Variants in ASB18 observed in about 807,000 individuals in gnomAD.
ASB18 encodes the protein ankyrin repeat and SOCS box protein 18.
Under a neutral mutation model 33.4 loss-of-function variants are expected in ASB18, and 33 were observed. The observed-to-expected ratio is 0.99, with a 90% CI of 0.75 to 1.32. The LOEUF is 1.32. ASB18 is among the 40% of genes most tolerant of loss of function. ASB18 has a pLI of 0.00. For missense variants in ASB18, 694 were observed against 655.5 expected (o/e 1.06, Z -0.64); for synonymous variants, 295 against 307.6 (o/e 0.96, Z 0.43).
Position 236,219,014 on chromosome 2 carries a change from C to T in ASB18, c.597-4148G>A, listed in dbSNP as rs996526770. 2.0e-5 allele frequency among the ~76,000 whole-genome samples: 3 copies of T among 151,668 alleles called. No individual in the cohort carries two copies. Among genetic ancestry groups the T allele is most frequent in the African/African-American group, 4.8e-5 (2 of 41,262 alleles). ...TCTCCCAAGTAGCTGGGACTATAGC[C>T]GAGTGCCCCCATGCTTGGCTAATTT... On this transcript the variant is annotated intron_variant, in intron 3 of 5. Coordinates refer to ENST00000409749, the MANE Select transcript of ASB18 (RefSeq NM_212556.4). This position sits in a 1 kb window ranked among gnomAD's most constrained non-coding sequence, Gnocchi z 6.4.
At position 236,209,317 on chromosome 2, in the gene ASB18, G is replaced by C. The variant is rs1402332633; in HGVS notation, c.1101+5045C>G. 2.7e-5 allele frequency among the ~76,000 whole-genome samples: 4 copies of C among 150,506 alleles called. No homozygotes were observed. The highest frequency in any genetic ancestry group is 5.9e-5 in the Non-Finnish European group (4 of 67,882). On this transcript the variant is annotated intron_variant, in intron 4 of 5. Coordinates refer to ENST00000409749, the MANE Select transcript of ASB18 (RefSeq NM_212556.4). This position sits in a 1 kb window ranked among gnomAD's most constrained non-coding sequence, Gnocchi z 4.4. Reference sequence around the variant, plus strand: ...AGACAAGGTCTTGCTCTGTCGTCCAGGCTGGAGTGTAGTATTGCAATCATG... The same window carrying C: ...AGACAAGGTCTTGCTCTGTCGTCCACGCTGGAGTGTAGTATTGCAATCATG...
chr2:236,247,097 G>C (rs1197071970), intron 1 of ASB18, among the ~76,000 whole-genome samples: 3 of 150,314 alleles, frequency 2.0e-5, no homozygotes, highest in Non-Finnish European at 2.9e-5. Flanking sequence ...ATTTCAGTAG[G>C]CAAGGTGTAG....
chr2:236,214,568 T>C lies in ASB18; in HGVS notation c.895A>G (p.Lys299Glu), dbSNP rs1309471998. ...CTGTGGCTCGCGTGGCCGCAGGCTT[T>C]GTGCAGCGGGCTGCGCTCGTCCTCG... ...RDEDERSPLH[K>E]ACGHASHSLA... The change falls in exon 4 of 6, where the codon AAA (lysine) becomes GAA (glutamate). Residue 299 changes from lysine to glutamate, a missense_variant. Physicochemically the swap from Lys to Glu is moderately conservative, Grantham distance 56. Coordinates refer to ENST00000409749, the MANE Select transcript of ASB18 (RefSeq NM_212556.4). The surrounding 1 kb of genome is among the most constrained non-coding windows in gnomAD (Gnocchi z 6.5). The C allele has an allele frequency of 1.8e-5, 24 of 1,359,638 alleles. No individual in the cohort carries two copies. Among genetic ancestry groups the C allele is most frequent in the Non-Finnish European group, 2.3e-5 (24 of 1,066,442 alleles). 84.2% of individuals were successfully genotyped at this position (1,359,638 alleles called of 1,614,324 possible).
At chr2:236,246,508 AT>A (rs543292531) in intron 1 of ASB18, among the ~76,000 whole-genome samples, 5 of 150,452 alleles carry the variant, frequency 3.3e-5, no homozygotes, top group South Asian at 2.1e-4. Context: ...AACAGCAGAG[AT>A]TTTTTTTTTC....
chr2:236,223,175 T>C lies in ASB18; in HGVS notation c.597-8309A>G, dbSNP rs1391397849. Among the ~76,000 whole-genome samples, 13 of 152,232 alleles carry C rather than the reference T, an allele frequency of 8.5e-5. No homozygotes were observed. The highest frequency in any genetic ancestry group is 8.5e-4 in the Admixed American group (13 of 15,284). ...GCTTCCTGTACAGCCTGCAGAACTG[T>C]GAGCCAATTAAGCTTTTTTTCTTAT... On this transcript the variant is annotated intron_variant, in intron 3 of 5. Transcript: ENST00000409749. This position sits in a 1 kb window ranked among gnomAD's most constrained non-coding sequence, Gnocchi z 4.6.
Position 236,200,340 on chromosome 2 carries a change from C to T in ASB18, c.1102-3955G>A, listed in dbSNP as rs1033073099. On this transcript the variant is annotated intron_variant, in intron 4 of 5. Coordinates refer to ENST00000409749, the MANE Select transcript of ASB18 (RefSeq NM_212556.4). This position sits in a 1 kb window ranked among gnomAD's most constrained non-coding sequence, Gnocchi z 4.2. ...CTCCAGCCTGGGCGACAGAGCAAGA[C>T]TCCGTCTAAAAAAAAAAGAGATGGC... Among the ~76,000 whole-genome samples, 2 of 151,996 alleles carry T rather than the reference C, an allele frequency of 1.3e-5. No homozygotes were observed. Among genetic ancestry groups the T allele is most frequent in the Non-Finnish European group, 1.5e-5 (1 of 67,970 alleles).
Position 236,241,228 on chromosome 2 carries a change from G to A in ASB18, c.328+52C>T. ...CACGGGAGCCTTACACTCCCAGAGA[G>A]TATTAGTAGCCCCTTAAAAATAAAT... On this transcript the variant is annotated intron_variant, in intron 2 of 5. Coordinates refer to ENST00000409749, the MANE Select transcript of ASB18 (RefSeq NM_212556.4). This position sits in a 1 kb window ranked among gnomAD's most constrained non-coding sequence, Gnocchi z 4.2. The A allele has an allele frequency of 6.3e-7, 1 of 1,590,496 alleles. No individual in the cohort carries two copies. Among genetic ancestry groups the A allele is most frequent in the Non-Finnish European group, 8.6e-7 (1 of 1,161,066 alleles).
At chr2:236,199,506 T>C (rs2060389169) in intron 4 of ASB18, among the ~76,000 whole-genome samples, 1 of 149,636 alleles carries the variant, frequency 6.7e-6, no homozygotes, top group Non-Finnish European at 1.5e-5. Flanking sequence ...ATATTTAATA[T>C]ACATATTATA....
In ASB18 at chr2:236,194,702, T is replaced by G. The variant is rs2060362683; in HGVS notation, c.*170A>C. Among the ~76,000 whole-genome samples the G allele has an allele frequency of 6.6e-6, 1 of 152,178 alleles. No individual in the cohort carries two copies. Among genetic ancestry groups the G allele is most frequent in the African/African-American group, 2.4e-5 (1 of 41,452 alleles). On this transcript the variant is annotated 3_prime_UTR_variant, in exon 6 of 6. Transcript: ENST00000409749. The surrounding 1 kb of genome is among the most constrained non-coding windows in gnomAD (Gnocchi z 4.5). ...AAAGGGCTTTTGTTGCCAATTCCATTTCGAGGTGAACCTGAAGCTTGGCAA... is the reference window on the plus strand; with the variant it reads ...AAAGGGCTTTTGTTGCCAATTCCATGTCGAGGTGAACCTGAAGCTTGGCAA...
chr2:236,238,991 G>A lies in ASB18; in HGVS notation c.329-1035C>T, dbSNP rs1434059360. ...GCCCTGAGTCCCCAAGGCCCAGCCT[G>A]GAGCTTGTTGTGCACTCAGTGGGGG... is the stretch of plus-strand genomic sequence containing the variant. On this transcript the variant is annotated intron_variant, in intron 2 of 5. Coordinates refer to ENST00000409749, the MANE Select transcript of ASB18 (RefSeq NM_212556.4). The surrounding 1 kb of genome is among the most constrained non-coding windows in gnomAD (Gnocchi z 5.2). Among the ~76,000 whole-genome samples, 5 of 152,134 alleles carry A rather than the reference G, an allele frequency of 3.3e-5. No homozygotes were observed. Among genetic ancestry groups the A allele is most frequent in the Non-Finnish European group, 1.5e-5 (1 of 68,018 alleles).
At chr2:236,246,346 C>CA (rs60064230) in intron 1 of ASB18, among the ~76,000 whole-genome samples, 2,710 of 32,670 alleles carry the variant, frequency 0.083, 673 homozygotes, top group East Asian at 0.29. Context: ...GACTCCATCT[C>CA]AAAAAAAAAA....
In ASB18 at chr2:236,260,318, T is replaced by C. The variant is rs1440459313; in HGVS notation, c.205+3823A>G. Among the ~76,000 whole-genome samples, 3 of 152,332 alleles carry C rather than the reference T, an allele frequency of 2.0e-5. No homozygotes were observed. The highest frequency in any genetic ancestry group is 7.2e-5 in the African/African-American group (3 of 41,586). On this transcript the variant is annotated intron_variant, in intron 1 of 5. Transcript: ENST00000409749. The surrounding 1 kb of genome is among the most constrained non-coding windows in gnomAD (Gnocchi z 5.1). ...GGCATCACCAGCTCTGCCCCCTCTC[T>C]TGGCCCAGCCCTGTTTTCCTGTGTT...
At chr2:236,227,561 T>C (rs1483957763) in intron 3 of ASB18, among the ~76,000 whole-genome samples, 2 of 152,224 alleles carry the variant, frequency 1.3e-5, no homozygotes, top group Non-Finnish European at 2.9e-5. Context: ...GTTGCACAGC[T>C]AGTAAGTGTT....
At position 236,264,181 on chromosome 2, in the gene ASB18, C is replaced by T; in HGVS notation, c.165G>A (p.Met55Ile). ...AVIELANDDW[M>I]KDPSAQLPTG... ...TGGGCAGCTGAGCCGAGGGGTCTTT[C>T]ATCCAGTCGTCATTGGCCAGTTCTA... The change falls in exon 1 of 6, where the codon ATG (methionine) becomes ATA (isoleucine). Residue 55 changes from methionine (M) to isoleucine (I), a missense_variant. Physicochemically the swap from Met to Ile is conservative, Grantham distance 10 (BLOSUM62 1). Coordinates refer to ENST00000409749, the MANE Select transcript of ASB18 (RefSeq NM_212556.4). This position sits in a 1 kb window ranked among gnomAD's most constrained non-coding sequence, Gnocchi z 5.1. 1.9e-6 allele frequency: 3 copies of T among 1,613,988 alleles called. No individual in the cohort carries two copies. Among genetic ancestry groups the T allele is most frequent in the Non-Finnish European group, 2.5e-6 (3 of 1,179,894 alleles).
chr2:236,214,573 A>C lies in ASB18; in HGVS notation c.890T>G (p.Leu297Arg). The C allele has an allele frequency of 7.4e-7, 1 of 1,355,606 alleles. No individual in the cohort carries two copies. Among genetic ancestry groups the C allele is most frequent in the Non-Finnish European group, 9.4e-7 (1 of 1,064,080 alleles). 84.0% of individuals were successfully genotyped at this position (1,355,606 alleles called of 1,614,324 possible). Residue 297 changes from leucine (L) to arginine (R), a missense_variant, in exon 4 of 6, where the codon CTG becomes CGG. Transcript: ENST00000409749. This position sits in a 1 kb window ranked among gnomAD's most constrained non-coding sequence, Gnocchi z 6.5. ...DARDEDERSP[L>R]HKACGHASHS... ...GCTCGCGTGGCCGCAGGCTTTGTGC[A>C]GCGGGCTGCGCTCGTCCTCGTCGCG...
At position 236,250,971 on chromosome 2, in the gene ASB18, G is replaced by A. The variant is rs563581955; in HGVS notation, c.206-9569C>T. 2.2e-4 allele frequency among the ~76,000 whole-genome samples: 34 copies of A among 152,280 alleles called. No individual in the cohort carries two copies. The highest frequency in any genetic ancestry group is 8.2e-4 in the African/African-American group (34 of 41,568). On this transcript the variant is annotated intron_variant, in intron 1 of 5. Transcript: ENST00000409749. This position sits in a 1 kb window ranked among gnomAD's most constrained non-coding sequence, Gnocchi z 4.1. ...CAGATCAAGTGCATCTATTAATAATGACTTAAATTGTCTGTGCTGATTTCA... is the reference window on the plus strand; with the variant it reads ...CAGATCAAGTGCATCTATTAATAATAACTTAAATTGTCTGTGCTGATTTCA...
rs1208885244 is a variant in ASB18, at chr2:236,209,075, G to A, written c.1101+5287C>T. On this transcript the variant is annotated intron_variant, in intron 4 of 5. Transcript: ENST00000409749. The surrounding 1 kb of genome is among the most constrained non-coding windows in gnomAD (Gnocchi z 4.4). ...CGCAACTCTGTGAAGATGGGAGGGG[G>A]AGCCCTGGTTTTTGACTACTGCTAC... is the stretch of plus-strand genomic sequence containing the variant. 6.6e-6 allele frequency among the ~76,000 whole-genome samples: 1 copy of A among 152,064 alleles called. No homozygotes were observed. The highest frequency in any genetic ancestry group is 1.5e-5 in the Non-Finnish European group (1 of 68,006).
intron 2 of ASB18, among the ~76,000 whole-genome samples, chr2:236,240,280 C>G (rs907101630): frequency 1.3e-5 from 2 of 152,192 alleles, no homozygotes; most frequent in Non-Finnish European, 2.9e-5. Flanking sequence ...CAGCCCCCAC[C>G]GCCTCACTGG....
At position 236,194,861 on chromosome 2, in the gene ASB18, C is replaced by T. The variant is rs562514337; in HGVS notation, c.*11G>A. The T allele has an allele frequency of 2.1e-5, 34 of 1,608,592 alleles. No homozygotes were observed. The highest frequency in any genetic ancestry group is 3.3e-4 in the Middle Eastern group (2 of 6,044). ...AGGAGAACAACAGTATTGGTTGCAG[C>T]GTTCTGCGTTTCAGTGCAAAACACC... is the stretch of plus-strand genomic sequence containing the variant. On this transcript the variant is annotated 3_prime_UTR_variant, in exon 6 of 6. Transcript: ENST00000409749. This position sits in a 1 kb window ranked among gnomAD's most constrained non-coding sequence, Gnocchi z 4.5.
Sources: gnomAD v4.1 joint callset for allele counts (sites outside exome capture counted in the v4.1 genomes callset) on GRCh38, gnomAD v4.1.1 for gene constraint, Gnocchi (gnomAD v3.1) non-coding constraint, MANE v1.5 for transcripts, NCBI Gene and HGNC (gene_info 2026-07-23, HGNC 2026-07-21) for gene names.